Variants in MYL4 observed in about 807,000 individuals in gnomAD.
MYL4 encodes atrial myosin light chain 1.
In MYL4, 16 loss-of-function variants were observed where a neutral mutation model predicts 21.6. The ratio of observed to expected loss-of-function variants is 0.74; its 90% CI spans 0.50 to 1.12. The LOEUF (loss-of-function observed/expected upper bound fraction) is 1.12, where lower values mean the gene tolerates loss of function less well. Ranked by LOEUF, MYL4 falls within the 50% of genes most tolerant of loss-of-function variation. The probability of loss-of-function intolerance (pLI) is 0.00; values close to 1 mark genes in which losing one functional copy is unlikely to be tolerated. For synonymous variants in MYL4, 82 were observed against 95.7 expected, an observed-to-expected ratio of 0.86 and a Z score of 0.83; for missense variants, 249 against 252.9, an observed-to-expected ratio of 0.98 and a Z score of 0.11.
chr17:47,212,379 TG>T (rs1178798485), intron 1 of MYL4, among the ~76,000 whole-genome samples: 1 of 152,258 alleles, frequency 6.6e-6, no homozygotes, highest in African/African-American at 2.4e-5. Context: ...TACTATGTAC[TG>T]AGCATTTCAG....
intron 1 of MYL4, among the ~76,000 whole-genome samples, chr17:47,212,977 T>G (rs947436454): frequency 3.9e-5 from 6 of 152,098 alleles, no homozygotes; most frequent in African/African-American, 1.2e-4. Context: ...TGGAGTGGGA[T>G]GCGGTGTGGG....
chr17:47,198,789 C>G (rs1459161583), upstream of MYL4, among the ~76,000 whole-genome samples: 2 of 151,688 alleles, frequency 1.3e-5, no homozygotes, highest in African/African-American at 2.4e-5. Context: ...CGAGAACACC[C>G]TGGGCAACAA....
At chr17:47,201,115 T>A (rs1598646821) in intron 1 of MYL4, among the ~76,000 whole-genome samples, 1 of 152,160 alleles carries the variant, frequency 6.6e-6, no homozygotes. Flanking sequence ...GAGGTTGCAG[T>A]AAGAGATCGA....
chr17:47,197,390 A>G (rs1428892718), upstream of MYL4, among the ~76,000 whole-genome samples: 1 of 152,042 alleles, frequency 6.6e-6, no homozygotes, highest in East Asian at 1.9e-4. Flanking sequence ...GAGCCACCGC[A>G]CCCGGCCAAA....
the MYL4 span, among the ~76,000 whole-genome samples, chr17:47,191,028 G>C: frequency 2.0e-5 from 3 of 152,172 alleles, no homozygotes; most frequent in Non-Finnish European, 4.4e-5. Context: ...TTTCACACTG[G>C]CCTCTTATGA....
the MYL4 span, among the ~76,000 whole-genome samples, chr17:47,193,367 A>G: frequency 6.6e-6 from 1 of 152,050 alleles, no homozygotes; most frequent in African/African-American, 2.4e-5. Context: ...TCCTGGGTTC[A>G]AGCGATTCTC....
chr17:47,203,324 TTA>T (rs1203811924), intron 1 of MYL4, among the ~76,000 whole-genome samples: 2 of 152,128 alleles, frequency 1.3e-5, no homozygotes, highest in African/African-American at 4.8e-5. Flanking sequence ...AGCTTTTCTT[TTA>T]TGTTTTCTAT....
intron 2 of MYL4, among the ~76,000 whole-genome samples, chr17:47,216,699 CTTTTTTTTTTTT>C (rs2064817375): frequency 1.4e-5 from 2 of 145,718 alleles, no homozygotes; most frequent in Non-Finnish European, 1.5e-5. Flanking sequence ...CTTTTTCTTT[CTTTTTTTTTTTT>C]GAGACAGAGT....
chr17:47,208,232 TA>T (rs1229104873), upstream of MYL4, among the ~76,000 whole-genome samples: 1 of 152,110 alleles, frequency 6.6e-6, no homozygotes, highest in African/African-American at 2.4e-5. Context: ...CTGGGCAATT[TA>T]GCAAGACCTC....
upstream of MYL4, among the ~76,000 whole-genome samples, chr17:47,196,003 T>C (rs547170386): frequency 5.1e-4 from 78 of 152,352 alleles, no homozygotes; most frequent in African/African-American, 1.8e-3. Flanking sequence ...ATGAATAGAA[T>C]AAACTCACTG....
intron 1 of MYL4, 116 bp from the exon 2 acceptor site, chr17:47,213,683 C>T: frequency 1.0e-6 from 1 of 980,024 alleles, no homozygotes; most frequent in South Asian, 1.3e-5. Flanking sequence ...TTATCAGTGG[C>T]CTGCTGGAGG....
chr17:47,223,057 G>A lies in MYL4; in HGVS notation c.*15G>A, dbSNP rs1598661899. On this transcript the variant is annotated splice_region_variant and 3_prime_UTR_variant, in exon 6 of 7. Transcript: ENST00000393450. The stretch of plus-strand genomic sequence containing the variant: ...TGTCAGGGTGAAGCAGAGTCTTCCA[G>A]GTGAGTGCAGCCTCTCCCTCCTGGT... 6.2e-7 allele frequency: 1 copy of A among 1,614,138 alleles called. No homozygotes were observed. The highest frequency in any genetic ancestry group is 1.3e-5 in the African/African-American group (1 of 75,036).
chr17:47,190,317 G>A, the MYL4 span, among the ~76,000 whole-genome samples: 4 of 152,304 alleles, frequency 2.6e-5, no homozygotes, highest in Admixed American at 2.0e-4. Flanking sequence ...AGAATTCGAT[G>A]TATTATAAAT....
intron 2 of MYL4, among the ~76,000 whole-genome samples, chr17:47,217,130 C>G (rs771245391): frequency 6.7e-6 from 1 of 149,712 alleles, no homozygotes; most frequent in Non-Finnish European, 1.5e-5. Context: ...TGAATTTGTG[C>G]CAGACACCAT....
intron 1 of MYL4, among the ~76,000 whole-genome samples, chr17:47,211,697 A>G (rs557708305): frequency 4.1e-4 from 62 of 151,966 alleles, no homozygotes; most frequent in Admixed American, 9.2e-4. Context: ...CACTGCCCCA[A>G]CCTATCCCCA....
chr17:47,190,696 G>C, the MYL4 span, among the ~76,000 whole-genome samples: 1 of 152,186 alleles, frequency 6.6e-6, no homozygotes, highest in South Asian at 2.1e-4. Flanking sequence ...GTGCCCAGTT[G>C]CTTTAGCGGG....
chr17:47,223,161 G>C, intron 6 of MYL4, 104 bp downstream of exon 6: 1 of 1,208,252 alleles, frequency 8.3e-7, no homozygotes, highest in Non-Finnish European at 1.2e-6. Context: ...GACCCCTTAA[G>C]AGGAAACCTC....
downstream of MYL4, among the ~76,000 whole-genome samples, chr17:47,226,999 T>C (rs7226301): frequency 0.016 from 2,375 of 152,140 alleles, 55 homozygotes; most frequent in African/African-American, 0.054. Flanking sequence ...AGATTACAGG[T>C]GCGCGCCACC....
At chr17:47,211,729 G>A (rs59349147) in intron 1 of MYL4, among the ~76,000 whole-genome samples, 12,411 of 151,954 alleles carry the variant, frequency 0.082, 665 homozygotes, top group South Asian at 0.19. Flanking sequence ...CCATATCTGG[G>A]TCCTCATGAA....
Sources: allele counts gnomAD v4.1 joint callset (sites outside exome capture counted in the v4.1 genomes callset), GRCh38; gene constraint gnomAD v4.1.1; transcripts MANE v1.5; gene names NCBI Gene and HGNC (gene_info 2026-07-23, HGNC 2026-07-21).